Variants in GPR89B observed in about 807,000 individuals in gnomAD.
The protein encoded by GPR89B is golgi pH regulator B, also known as G protein-coupled receptor 89B.
A neutral mutation model predicts 52.4 loss-of-function variants in GPR89B; 25 were observed. The observed-to-expected ratio is 0.48, with a 90% CI of 0.35 to 0.67. The LOEUF is 0.67. Among genes scored for constraint, GPR89B ranks in the 30% least tolerant of loss-of-function variants. The probability of loss-of-function intolerance (pLI) is 0.01; values close to 1 mark genes in which losing one functional copy is unlikely to be tolerated. For synonymous variants in GPR89B, 52 were observed against 151.2 expected, an observed-to-expected ratio of 0.34 and a Z score of 4.81; for missense variants, 146 against 450.2, an observed-to-expected ratio of 0.32 and a Z score of 6.11.
At chr1:147,976,075 T>G (rs1571301348) in intron 10 of GPR89B, among the ~76,000 whole-genome samples, 2 of 152,296 alleles carry the variant, frequency 1.3e-5, no homozygotes, top group Non-Finnish European at 2.9e-5. Flanking sequence ...CTTCCAATTA[T>G]GTGATCAATT....
At chr1:147,970,689 T>C (rs1390405775) in intron 10 of GPR89B, among the ~76,000 whole-genome samples, 2 of 150,956 alleles carry the variant, frequency 1.3e-5, no homozygotes, top group Non-Finnish European at 2.9e-5. Context: ...TACTTGTCCT[T>C]TTTAATTATG....
At chr1:147,935,228 A>G (rs1399809784) in intron 1 of GPR89B, among the ~76,000 whole-genome samples, 3 of 152,054 alleles carry the variant, frequency 2.0e-5, no homozygotes, top group African/African-American at 7.2e-5. Flanking sequence ...GAGGACATCT[A>G]CACAGGTCTC....
chr1:147,986,579 T>A (rs1490246774), intron 11 of GPR89B, among the ~76,000 whole-genome samples: 1 of 152,186 alleles, frequency 6.6e-6, no homozygotes, highest in African/African-American at 2.4e-5. Flanking sequence ...GCTCCTCTGC[T>A]TCTCTATAGG....
chr1:148,025,577 T>C, the GPR89B span, among the ~76,000 whole-genome samples: 1 of 148,028 alleles, frequency 6.8e-6, no homozygotes, highest in Non-Finnish European at 1.5e-5. Flanking sequence ...CCCTATTGCT[T>C]GGTGTTATAA....
At chr1:147,973,815 T>C (rs1368769847) in intron 10 of GPR89B, among the ~76,000 whole-genome samples, 1 of 151,684 alleles carries the variant, frequency 6.6e-6, no homozygotes, top group African/African-American at 2.4e-5. Flanking sequence ...TACATTTAAG[T>C]CTTTAATCCA....
chr1:147,989,709 G>A (rs1417296314), intron 12 of GPR89B, among the ~76,000 whole-genome samples: 1 of 151,934 alleles, frequency 6.6e-6, no homozygotes. Flanking sequence ...GCGATAGTTT[G>A]CTGAGAATGA....
At chr1:147,962,862 C>T (rs1279685332) in intron 7 of GPR89B, among the ~76,000 whole-genome samples, 4 of 150,626 alleles carry the variant, frequency 2.7e-5, no homozygotes, top group African/African-American at 9.8e-5. Flanking sequence ...CGCCATTGCC[C>T]TCCAGCCTGG....
At chr1:147,963,375 T>TAAA (rs71077287) in intron 7 of GPR89B, among the ~76,000 whole-genome samples, 1,156 of 139,088 alleles carry the variant, frequency 8.3e-3, no homozygotes, top group South Asian at 0.025. Context: ...GACTCCTTCT[T>TAAA]AAAAAAAAAA....
chr1:148,008,530 A>C, the GPR89B span, among the ~76,000 whole-genome samples: 2 of 152,236 alleles, frequency 1.3e-5, no homozygotes, highest in Admixed American at 1.3e-4. Flanking sequence ...ATCATGACCT[A>C]CCACCAGTGC....
At chr1:147,964,213 A>T (rs1258316989) in intron 7 of GPR89B, among the ~76,000 whole-genome samples, 1 of 151,328 alleles carries the variant, frequency 6.6e-6, no homozygotes, top group Non-Finnish European at 1.5e-5. Flanking sequence ...TCAAAACTAC[A>T]TTATGAATCT....
At chr1:148,018,785 G>A in the GPR89B span, among the ~76,000 whole-genome samples, 3 of 151,668 alleles carry the variant, frequency 2.0e-5, no homozygotes, top group Non-Finnish European at 4.4e-5. Flanking sequence ...TCCTGCCTCA[G>A]CCTCCCTAGT....
At chr1:147,932,466 C>A (rs1653729247) in intron 1 of GPR89B, among the ~76,000 whole-genome samples, 1 of 152,004 alleles carries the variant, frequency 6.6e-6, no homozygotes, top group Non-Finnish European at 1.5e-5. Context: ...AGGAGTTTAA[C>A]CCTCAGCTCA....
At chr1:147,981,579 T>A (rs1301221143) in intron 10 of GPR89B, among the ~76,000 whole-genome samples, 1 of 150,940 alleles carries the variant, frequency 6.6e-6, no homozygotes, top group African/African-American at 2.5e-5. Context: ...ATCCATTTAT[T>A]AGTTGATGTA....
At chr1:147,939,509 T>C (rs1166803138) in intron 3 of GPR89B, among the ~76,000 whole-genome samples, 4 of 152,324 alleles carry the variant, frequency 2.6e-5, no homozygotes, top group Admixed American at 6.5e-5. Context: ...AAAAATCTTT[T>C]AGGAGTAAAG....
At chr1:148,013,990 G>T in the GPR89B span, among the ~76,000 whole-genome samples, 1 of 151,494 alleles carries the variant, frequency 6.6e-6, no homozygotes, top group African/African-American at 2.4e-5. Context: ...CCTGGAAGGG[G>T]TGCCTCCCTC....
chr1:147,968,824 A>G, intron 8 of GPR89B, 51 bp from the exon 9 acceptor site: 2 of 1,613,452 alleles, frequency 1.2e-6, no homozygotes, highest in Non-Finnish European at 1.7e-6. Flanking sequence ...TCTCATTGCC[A>G]TTTCTTGAAA....
chr1:147,997,578 A>G (rs1659346372), downstream of GPR89B, among the ~76,000 whole-genome samples: 1 of 152,134 alleles, frequency 6.6e-6, no homozygotes, highest in Non-Finnish European at 1.5e-5. Context: ...GAGCCACACT[A>G]CTGGCATCCC....
At chr1:147,959,826 TTTGA>T (rs1378432352) in intron 7 of GPR89B, among the ~76,000 whole-genome samples, 2 of 151,812 alleles carry the variant, frequency 1.3e-5, no homozygotes, top group African/African-American at 4.9e-5. Flanking sequence ...TTGCTGTGCC[TTTGA>T]TTGAGTGCAT....
intron 8 of GPR89B, chr1:147,968,104 T>C: frequency 2.8e-6 from 1 of 359,504 alleles, no homozygotes. Context: ...TAAAAGCCAA[T>C]AATATGGGTT....
Sources: allele counts gnomAD v4.1 joint callset (sites outside exome capture counted in the v4.1 genomes callset), GRCh38; gene constraint gnomAD v4.1.1; transcripts MANE v1.5; gene names NCBI Gene and HGNC (gene_info 2026-07-23, HGNC 2026-07-21).